RAP1A: variants seen among roughly 807,000 people sequenced by gnomAD.
RAP1A encodes ras-related protein Rap-1A.
In RAP1A, 6 loss-of-function variants were observed where a neutral mutation model predicts 26.4. That is an observed-to-expected ratio of 0.23 (90% CI 0.12 to 0.45). The LOEUF (loss-of-function observed/expected upper bound fraction) is 0.45, where lower values mean the gene tolerates loss of function less well. RAP1A is among the 20% of genes least tolerant of loss of function. The probability of loss-of-function intolerance (pLI) is 0.99; values close to 1 mark genes in which losing one functional copy is unlikely to be tolerated. For synonymous variants in RAP1A, 73 were observed against 79.4 expected, an observed-to-expected ratio of 0.92 and a Z score of 0.43; for missense variants, 121 against 217.2, an observed-to-expected ratio of 0.56 and a Z score of 2.78.
chr1:111,607,220 A>C (rs1658804080), intron 1 of RAP1A, among the ~76,000 whole-genome samples: 1 of 151,214 alleles, frequency 6.6e-6, no homozygotes, highest in South Asian at 2.1e-4. Flanking sequence ...AGTGGTGATG[A>C]CTCTTAACGA....
intron 1 of RAP1A, among the ~76,000 whole-genome samples, chr1:111,639,025 A>T (rs868631755): frequency 6.6e-5 from 10 of 152,324 alleles, no homozygotes; most frequent in South Asian, 2.1e-4. Context: ...TTCTGGGAAT[A>T]CTTGGAACCA....
At chr1:111,599,803 A>G (rs1571490647) in intron 1 of RAP1A, 1 of 152,248 alleles carries the variant, frequency 6.6e-6, no homozygotes, top group African/African-American at 2.4e-5. Flanking sequence ...TTGAAATGTA[A>G]TCCCCAGTGT....
At chr1:111,544,038 A>G (rs1656947314) in intron 1 of RAP1A, among the ~76,000 whole-genome samples, 1 of 152,238 alleles carries the variant, frequency 6.6e-6, no homozygotes, top group African/African-American at 2.4e-5. Flanking sequence ...GTTTCCAATC[A>G]AATGTATAGC....
intron 1 of RAP1A, among the ~76,000 whole-genome samples, chr1:111,660,178 A>G (rs1490465804): frequency 6.6e-6 from 1 of 152,226 alleles, no homozygotes; most frequent in African/African-American, 2.4e-5. Flanking sequence ...CACTTAATAC[A>G]GAGTTGTAAC....
At chr1:111,635,458 T>C (rs35404324) in intron 1 of RAP1A, among the ~76,000 whole-genome samples, 13,232 of 152,260 alleles carry the variant, frequency 0.087, 770 homozygotes, top group African/African-American at 0.18. Context: ...ACAATATCTA[T>C]ATCTTGTTTG....
At position 111,712,860 on chromosome 1, in the gene RAP1A, CTT is replaced by C. The variant is rs1557901719; in HGVS notation, c.*464_*465del. 6.6e-6 allele frequency: 1 copy of C among 152,322 alleles called. No homozygotes were observed. The highest frequency in any genetic ancestry group is 1.9e-4 in the East Asian group (1 of 5,204). 9.4% of individuals were successfully genotyped at this position (152,322 alleles called of 1,614,324 possible). A position where few individuals can be genotyped will look rare whatever the true frequency, so the allele number is the denominator to read the frequency against. ...CCCTCAAACTCATTGCAGCAGATAA[CTT>C]TTTTGAGTCATTGACTTCATTTTAT... On this transcript the variant is annotated 3_prime_UTR_variant, in exon 8 of 8. Coordinates refer to ENST00000369709, the MANE Select transcript of RAP1A (RefSeq NM_002884.4).
At chr1:111,669,125 G>A (rs1403540447) in intron 1 of RAP1A, among the ~76,000 whole-genome samples, 1 of 151,922 alleles carries the variant, frequency 6.6e-6, no homozygotes, top group African/African-American at 2.4e-5. Flanking sequence ...TTAGTGACCT[G>A]GAAGATGACC....
chr1:111,675,426 C>A (rs986898052), intron 1 of RAP1A, among the ~76,000 whole-genome samples: 1 of 151,996 alleles, frequency 6.6e-6, no homozygotes, highest in Non-Finnish European at 1.5e-5. Context: ...GAGCCGAGAT[C>A]GCGCCACTGC....
chr1:111,704,222 A>G, intron 5 of RAP1A, 121 bp from the exon 6 acceptor site: 1 of 916,600 alleles, frequency 1.1e-6, no homozygotes, highest in Non-Finnish European at 1.5e-6. Flanking sequence ...TTAGTATTTG[A>G]TGAAGCTTGC....
chr1:111,656,350 T>A (rs932980371), intron 1 of RAP1A, among the ~76,000 whole-genome samples: 2 of 152,190 alleles, frequency 1.3e-5, no homozygotes, highest in African/African-American at 4.8e-5. Context: ...ACTGAGTTGC[T>A]CTTAAATGTT....
chr1:111,714,039 G>A lies in RAP1A; in HGVS notation c.*1638G>A, dbSNP rs1051775013. On this transcript the variant is annotated 3_prime_UTR_variant, in exon 8 of 8. Coordinates refer to ENST00000369709, the MANE Select transcript of RAP1A (RefSeq NM_002884.4). ...GATTTTCCAGGCATGTGGTCAGCCT[G>A]TCACTTACTAAACTGAAATTTTAAA... is the stretch of plus-strand genomic sequence containing the variant. 6.6e-6 allele frequency: 1 copy of A among 152,204 alleles called. No individual in the cohort carries two copies. Among genetic ancestry groups the A allele is most frequent in the Non-Finnish European group, 1.5e-5 (1 of 68,036 alleles). 9.4% of individuals were successfully genotyped at this position (152,204 alleles called of 1,614,324 possible).
chr1:111,631,433 C>T (rs904331116), intron 1 of RAP1A, among the ~76,000 whole-genome samples: 2 of 152,050 alleles, frequency 1.3e-5, no homozygotes, highest in Non-Finnish European at 2.9e-5. Flanking sequence ...TGAGTGTAGA[C>T]CCCTTACATC....
At chr1:111,544,524 T>C (rs951011608) in intron 1 of RAP1A, among the ~76,000 whole-genome samples, 15 of 152,196 alleles carry the variant, frequency 9.9e-5, no homozygotes, top group African/African-American at 1.2e-4. Flanking sequence ...TGTTGTAACA[T>C]GCATTGTATC....
chr1:111,591,517 T>C (rs1406689078), intron 1 of RAP1A, among the ~76,000 whole-genome samples: 1 of 152,258 alleles, frequency 6.6e-6, no homozygotes, highest in African/African-American at 2.4e-5. Context: ...TATTTAGCTC[T>C]CTATATTATC....
chr1:111,669,494 A>G (rs1178638193), intron 1 of RAP1A, among the ~76,000 whole-genome samples: 1 of 152,220 alleles, frequency 6.6e-6, no homozygotes, highest in Admixed American at 6.5e-5. Context: ...TTGCCTGTGT[A>G]GAAGGGGGCA....
chr1:111,575,734 CCTG>C (rs2101057709), intron 1 of RAP1A, among the ~76,000 whole-genome samples: 1 of 152,256 alleles, frequency 6.6e-6, no homozygotes, highest in Non-Finnish European at 1.5e-5. Context: ...AGACACCAAA[CCTG>C]CTGACACCTT....
In RAP1A at chr1:111,632,158, G is replaced by A. The variant is rs115269189; in HGVS notation, c.-28+12224G>A. Among the ~76,000 whole-genome samples the A allele has an allele frequency of 8.1e-3, 1,224 of 151,430 alleles. 4 individuals are homozygous for A. The highest frequency in any genetic ancestry group is 0.013 in the Non-Finnish European group (914 of 67,880). On this transcript the variant is annotated intron_variant, in intron 1 of 7. Transcript: ENST00000369709. Reference sequence around the variant, plus strand: ...CTTCTATTAGAATATCAAAGTGTGTGATTTGTTGCTCAGAAATATGAACTC... The same window carrying A: ...CTTCTATTAGAATATCAAAGTGTGTAATTTGTTGCTCAGAAATATGAACTC...
intron 1 of RAP1A, among the ~76,000 whole-genome samples, chr1:111,570,004 C>T (rs569077882): frequency 1.2e-4 from 19 of 152,308 alleles, no homozygotes; most frequent in African/African-American, 4.1e-4. Flanking sequence ...AGGGAGGAAA[C>T]TGCTTGAGTG....
At chr1:111,673,336 T>C (rs1661030587) in intron 1 of RAP1A, among the ~76,000 whole-genome samples, 1 of 152,222 alleles carries the variant, frequency 6.6e-6, no homozygotes, top group Admixed American at 6.5e-5. Flanking sequence ...AAAATTTTTC[T>C]CCAAAGTTTC....
Sources: allele counts gnomAD v4.1 joint callset (sites outside exome capture counted in the v4.1 genomes callset), GRCh38; gene constraint gnomAD v4.1.1; transcripts MANE v1.5; gene names NCBI Gene and HGNC (gene_info 2026-07-23, HGNC 2026-07-21).